ARFGEF1: variants seen among roughly 807,000 people sequenced by gnomAD.
The protein encoded by ARFGEF1 is ARF guanine nucleotide exchange factor 1, also known as brefeldin A-inhibited guanine nucleotide-exchange protein 1.
A neutral mutation model predicts 231.0 loss-of-function variants in ARFGEF1; 42 were observed. The ratio of observed to expected loss-of-function variants is 0.18; its 90% CI spans 0.14 to 0.24. The LOEUF (loss-of-function observed/expected upper bound fraction) is 0.24, where lower values mean the gene tolerates loss of function less well. Among genes scored for constraint, ARFGEF1 ranks in the 10% least tolerant of loss-of-function variants. ARFGEF1 has a pLI of 1.00. For missense variants in ARFGEF1, 1,345 were observed against 2,192.0 expected (o/e 0.61, Z 7.72); for synonymous variants, 710 against 732.3 (o/e 0.97, Z 0.49).
Position 67,340,611 on chromosome 8 carries a change from T to TAA in ARFGEF1, c.124+2552_124+2553insTT, listed in dbSNP as rs1440221910. ...ATTTATGTTTGGGTGGTGATGTAGA[T>TAA]AGACTGCAAGGGAAGAAACAAAGTT... On this transcript the variant is annotated intron_variant, in intron 1 of 38. Coordinates refer to ENST00000262215, the MANE Select transcript of ARFGEF1 (RefSeq NM_006421.5). Among the ~76,000 whole-genome samples the TAA allele has an allele frequency of 3.9e-5, 6 of 152,354 alleles. No individual in the cohort carries two copies. The East Asian group carries it at 1.2e-3, about 29-fold the overall frequency.
intron 7 of ARFGEF1, among the ~76,000 whole-genome samples, chr8:67,284,118 T>C (rs571709172): frequency 1.0e-3 from 152 of 152,192 alleles, no homozygotes; most frequent in African/African-American, 3.6e-3. Context: ...CTATGATATA[T>C]CTGCATAAGG....
intron 29 of ARFGEF1, 132 bp from the exon 30 acceptor site, chr8:67,219,692 G>T: frequency 1.1e-6 from 1 of 932,090 alleles, no homozygotes; most frequent in Non-Finnish European, 1.5e-6. Flanking sequence ...CATGACACTG[G>T]GTTTTAAAAA....
intron 1 of ARFGEF1, among the ~76,000 whole-genome samples, chr8:67,302,819 A>G (rs1806553869): frequency 6.6e-6 from 1 of 151,444 alleles, no homozygotes; most frequent in African/African-American, 2.4e-5. Flanking sequence ...TCACGCCTGT[A>G]ATCCTAGTGC....
At chr8:67,331,388 A>C (rs1808090879) in intron 1 of ARFGEF1, among the ~76,000 whole-genome samples, 1 of 152,088 alleles carries the variant, frequency 6.6e-6, no homozygotes, top group South Asian at 2.1e-4. Context: ...TCATGAATGG[A>C]ATTAGTGCCC....
chr8:67,201,648 C>CT, intron 36 of ARFGEF1, 43 bp from the exon 37 acceptor site: 1 of 1,611,134 alleles, frequency 6.2e-7, no homozygotes. Flanking sequence ...GGGAAGGCAT[C>CT]TTATGTAAAG....
intron 33 of ARFGEF1, among the ~76,000 whole-genome samples, chr8:67,215,311 T>C (rs1282103529): frequency 2.6e-5 from 4 of 152,092 alleles, no homozygotes; most frequent in African/African-American, 4.8e-5. Context: ...TTGGGGACCT[T>C]AGAATGGGGT....
intron 14 of ARFGEF1, 126 bp from the exon 15 acceptor site, chr8:67,260,052 C>A (rs1192386327): frequency 4.4e-6 from 2 of 452,930 alleles, no homozygotes; most frequent in Non-Finnish European, 3.9e-6. Context: ...CACATCAGTA[C>A]ATGAATGTAC....
chr8:67,287,960 A>G lies in ARFGEF1; in HGVS notation c.1022T>C (p.Val341Ala). The G allele has an allele frequency of 6.3e-7, 1 of 1,580,636 alleles. No individual in the cohort carries two copies. Among genetic ancestry groups the G allele is most frequent in the Non-Finnish European group, 8.6e-7 (1 of 1,167,978 alleles). ...TTTTGAATGAAGTATACTACCTCCA[A>G]CAACAATGTTCACCATTTCTTCTAC... is the stretch of plus-strand genomic sequence containing the variant. ...NIVEEMVNIV[V>A]GDMGEGTTIN... is the part of the protein sequence containing the mutation. The change falls in exon 7 of 39, where the codon GTT becomes GCT. Residue 341 changes from valine (V) to alanine (A), a missense_variant. By Grantham distance (64) the Val-to-Ala change is moderately conservative. Around this residue, in one of 14 missense-constraint regions of ARFGEF1, gnomAD observed 398 missense variants for 463.2 expected, o/e 0.86. Coordinates refer to ENST00000262215, the MANE Select transcript of ARFGEF1 (RefSeq NM_006421.5).
chr8:67,299,202 T>C lies in ARFGEF1; in HGVS notation c.459+7A>G, dbSNP rs1806370110. The C allele has an allele frequency of 6.6e-7, 1 of 1,521,698 alleles. No homozygotes were observed. The highest frequency in any genetic ancestry group is 8.8e-7 in the Non-Finnish European group (1 of 1,138,462). 94.3% of individuals were successfully genotyped at this position (1,521,698 alleles called of 1,614,324 possible). A position where few individuals can be genotyped will look rare whatever the true frequency, so the allele number is the denominator to read the frequency against. ...TTAATAACAATTTTACTTTATATAA[T>C]AATTACCTTTATTATCTGCAGCTGA... On this transcript the variant is annotated splice_region_variant and intron_variant, in intron 4 of 38. Transcript: ENST00000262215.
chr8:67,339,438 C>G (rs1808496633), intron 1 of ARFGEF1, among the ~76,000 whole-genome samples: 1 of 152,058 alleles, frequency 6.6e-6, no homozygotes, highest in Non-Finnish European at 1.5e-5. Context: ...ATAAGCTGAA[C>G]TAGTCACAAC....
intron 3 of ARFGEF1, among the ~76,000 whole-genome samples, chr8:67,300,749 CAGG>C (rs1319287905): frequency 1.3e-5 from 2 of 149,674 alleles, no homozygotes; most frequent in Non-Finnish European, 3.0e-5. Flanking sequence ...AAGTCTGGGG[CAGG>C]AGAATTGCTT....
chr8:67,274,690 T>A (rs1805239851), intron 9 of ARFGEF1, among the ~76,000 whole-genome samples: 1 of 152,120 alleles, frequency 6.6e-6, no homozygotes, highest in African/African-American at 2.4e-5. Flanking sequence ...TTCTTTCAAA[T>A]CACAATTTTT....
chr8:67,254,895 G>T (rs933349593), intron 17 of ARFGEF1, among the ~76,000 whole-genome samples: 1 of 150,952 alleles, frequency 6.6e-6, no homozygotes, highest in Admixed American at 6.6e-5. Context: ...CTCAAGTCAT[G>T]GCACTAAAAA....
intron 17 of ARFGEF1, among the ~76,000 whole-genome samples, chr8:67,254,646 C>A (rs1840398899): frequency 6.6e-6 from 1 of 152,106 alleles, no homozygotes; most frequent in East Asian, 1.9e-4. Context: ...GGCAACATAG[C>A]AAAATCCTGT....
At chr8:67,228,355 T>G in intron 23 of ARFGEF1, 91 bp from the exon 24 acceptor site, 1 of 1,290,038 alleles carries the variant, frequency 7.8e-7, no homozygotes, top group East Asian at 2.3e-5. Context: ...TAGCTATTTT[T>G]ATGTTTTAAG....
chr8:67,301,516 G>A (rs997772826), intron 2 of ARFGEF1, 136 bp from the exon 3 acceptor site: 2 of 949,620 alleles, frequency 2.1e-6, no homozygotes, highest in Non-Finnish European at 3.0e-6. Context: ...ATTTCGAGAG[G>A]AAACCCAAGC....
intron 10 of ARFGEF1, among the ~76,000 whole-genome samples, chr8:67,269,561 G>A (rs1357916931): frequency 4.0e-5 from 6 of 151,890 alleles, no homozygotes; most frequent in South Asian, 2.1e-4. Flanking sequence ...ATGTTGGTCA[G>A]GCTAGTCTCG....
rs1232727714 is a variant in ARFGEF1, at chr8:67,218,028, A to G, written c.4449T>C (p.Ala1483=). The G allele has an allele frequency of 6.2e-7, 1 of 1,611,690 alleles. No homozygotes were observed. Among genetic ancestry groups the G allele is most frequent in the South Asian group, 1.1e-5 (1 of 90,644 alleles). Residue 1483 remains alanine, a synonymous_variant, in exon 31 of 39, where the codon GCT becomes GCC. Coordinates refer to ENST00000262215, the MANE Select transcript of ARFGEF1 (RefSeq NM_006421.5). ...LSDVLLDDIF[A]QLYWCVQQDN... ...CTTGCTGCACACACCAGTAGAGCTG[A>G]GCAAAAATGTCATCCAAAAGTACAT... is the stretch of plus-strand genomic sequence containing the variant.
At chr8:67,252,644 C>T (rs2128885723) in intron 18 of ARFGEF1, among the ~76,000 whole-genome samples, 1 of 152,230 alleles carries the variant, frequency 6.6e-6, no homozygotes, top group African/African-American at 2.4e-5. Context: ...GAGCCACTAC[C>T]CTCATCTCAT....
Sources: gnomAD v4.1 joint callset for allele counts (sites outside exome capture counted in the v4.1 genomes callset) on GRCh38, gnomAD v4.1.1 for gene constraint, gnomAD v4.1.1 regional missense constraint, MANE v1.5 for transcripts, NCBI Gene and HGNC (gene_info 2026-07-23, HGNC 2026-07-21) for gene names.